The following CCDC88B variants were observed in gnomAD, a reference collection of about 807,000 sequenced individuals.
CCDC88B encodes the protein coiled-coil and HOOK domain protein 88B, also known as coiled-coil domain-containing protein 88B.
A neutral mutation model predicts 183.7 loss-of-function variants in CCDC88B; 138 were observed. That is an observed-to-expected ratio of 0.75 (90% CI 0.65 to 0.87). The LOEUF (loss-of-function observed/expected upper bound fraction) is 0.87, where lower values mean the gene tolerates loss of function less well. CCDC88B is among the 40% of genes least tolerant of loss of function. The pLI is 0.00. For missense variants in CCDC88B, 1,822 were observed against 1,965.6 expected, an observed-to-expected ratio of 0.93 and a Z score of 1.38; for synonymous variants, 835 against 867.5, an observed-to-expected ratio of 0.96 and a Z score of 0.66.
intron 8 of CCDC88B, 23 bp from the exon 9 acceptor site, chr11:64,342,271 C>G: frequency 1.9e-6 from 3 of 1,574,434 alleles, no homozygotes; most frequent in Non-Finnish European, 2.6e-6. Context: ...CCCAGACCCT[C>G]CCTAGACTCC....
At chr11:64,352,694 TGTG>T in intron 19 of CCDC88B, 47 bp from the exon 20 acceptor site, 1 of 1,611,690 alleles carries the variant, frequency 6.2e-7, no homozygotes. Context: ...GCCAGCTGCT[TGTG>T]GTGGCCATAG....
intron 14 of CCDC88B, 150 bp from the exon 15 acceptor site, chr11:64,349,181 T>G: frequency 2.2e-6 from 2 of 924,998 alleles, no homozygotes; most frequent in Non-Finnish European, 3.3e-6. Flanking sequence ...TTGCTCCCAT[T>G]TTATAGATGG....
chr11:64,341,545 G>A (rs2035853178), intron 6 of CCDC88B, 41 bp downstream of exon 6: 1 of 1,612,142 alleles, frequency 6.2e-7, no homozygotes, highest in East Asian at 2.2e-5. Context: ...TATGGCACCT[G>A]GGACGCCCTT....
intron 10 of CCDC88B, chr11:64,342,944 G>C: frequency 1.8e-6 from 1 of 563,290 alleles, no homozygotes; most frequent in Non-Finnish European, 3.0e-6. Flanking sequence ...GCGGGGCATG[G>C]ACAGAAGGGC....
At position 64,343,217 on chromosome 11, in the gene CCDC88B, G is replaced by A. The variant is rs139453508; in HGVS notation, c.1101G>A (p.Lys367=). Residue 367 remains lysine (K), a synonymous_variant, in exon 11 of 27, where the codon AAG becomes AAA. Coordinates refer to ENST00000356786, the MANE Select transcript of CCDC88B (RefSeq NM_032251.6). ...RVLSGVLEAS[K]ALLEEQLEAA... ...TCTCGGGGGTGCTGGAGGCGTCCAA[G>A]GCGCTGCTGGAAGAGCAGCTGGAGG... 379 of 1,545,030 alleles carry A rather than the reference G, an allele frequency of 2.5e-4. No homozygotes were observed. The highest frequency in any genetic ancestry group is 3.2e-4 in the Non-Finnish European group (367 of 1,145,616).
chr11:64,344,642 A>G lies in CCDC88B; in HGVS notation c.2101A>G (p.Lys701Glu). ...RDPAWQKPQQ[K>E]SEGALEVQVW... is the part of the protein sequence containing the mutation. ...CCCAGCCTGGCAAAAACCACAGCAG[A>G]AGTCAGAAGGGGCTCTTGAGGTCCA... The change falls in exon 14 of 27, where the codon AAG (lysine) becomes GAG (glutamate). Residue 701 changes from lysine (K) to glutamate (E), a missense_variant. Transcript: ENST00000356786. The surrounding 1 kb of genome is among the most constrained non-coding windows in gnomAD (Gnocchi z 4.5). 1 of 1,613,806 alleles carries G rather than the reference A, an allele frequency of 6.2e-7. No individual in the cohort carries two copies. The highest frequency in any genetic ancestry group is 8.5e-7 in the Non-Finnish European group (1 of 1,179,892).
intron 14 of CCDC88B, among the ~76,000 whole-genome samples, chr11:64,348,049 CAAAAAAAAAAAA>C (rs551644268): frequency 4.2e-5 from 3 of 70,924 alleles, no homozygotes; most frequent in Non-Finnish European, 8.0e-5. Context: ...GACTCCGTCT[CAAAAAAAAAAAA>C]AAAAAAAAAA....
Position 64,357,501 on chromosome 11 carries a change from G to A in CCDC88B, c.*407G>A. On this transcript the variant is annotated 3_prime_UTR_variant, in exon 27 of 27. Coordinates refer to ENST00000356786, the MANE Select transcript of CCDC88B (RefSeq NM_032251.6). ...TCTTGAGCCTTAACTGGACATGAGG[G>A]GCATGAGAATAAAGCTGAACTGCAG... The A allele has an allele frequency of 1.4e-6, 1 of 704,672 alleles. No individual in the cohort carries two copies. The highest frequency in any genetic ancestry group is 1.5e-5 in the South Asian group (1 of 66,634). The allele number at this position is 704,672 out of a possible 1,614,324, so 43.7% of individuals were successfully genotyped here. A position where few individuals can be genotyped will look rare whatever the true frequency, so the allele number is the denominator to read the frequency against.
intron 14 of CCDC88B, chr11:64,348,778 C>T (rs1272031703): frequency 1.3e-5 from 7 of 557,102 alleles, no homozygotes; most frequent in South Asian, 6.6e-5. Flanking sequence ...ATGGGCCTCC[C>T]GTCTCCTTCC....
intron 24 of CCDC88B, among the ~76,000 whole-genome samples, chr11:64,354,396 C>T (rs968996657): frequency 5.3e-5 from 8 of 152,142 alleles, no homozygotes; most frequent in African/African-American, 1.9e-4. Context: ...CCAGCCTGCC[C>T]CATCCGCAGC....
At chr11:64,340,378 G>A (rs1328323074) in intron 1 of CCDC88B, 52 bp downstream of exon 1, 6 of 1,288,652 alleles carry the variant, frequency 4.7e-6, no homozygotes, top group Non-Finnish European at 5.0e-6. Context: ...CCCCAGCCAG[G>A]GGCTGGTGTT....
chr11:64,352,055 T>C, intron 18 of CCDC88B, 75 bp from the exon 19 acceptor site: 2 of 1,509,868 alleles, frequency 1.3e-6, no homozygotes, highest in Non-Finnish European at 1.8e-6. Context: ...CGTCTGCCCT[T>C]AGCCCCCCGC....
chr11:64,341,514 C>A lies in CCDC88B; in HGVS notation c.531+10C>A, dbSNP rs767574030. 6 of 1,613,416 alleles carry A rather than the reference C, an allele frequency of 3.7e-6. No homozygotes were observed. In the African/African-American group the frequency reaches 8.0e-5, roughly 22 times the overall value. Reference sequence around the variant, plus strand: ...CGCTGCCATCCAGGAGGTACTGAGACGGTTCGGCAGCCCAGACTGGTATGG... The same window carrying A: ...CGCTGCCATCCAGGAGGTACTGAGAAGGTTCGGCAGCCCAGACTGGTATGG... On this transcript the variant is annotated intron_variant, in intron 6 of 26. Transcript: ENST00000356786.
chr11:64,352,073 T>G (rs2036355248), intron 18 of CCDC88B, 57 bp from the exon 19 acceptor site: 1 of 1,510,562 alleles, frequency 6.6e-7, no homozygotes, highest in Admixed American at 2.2e-5. Flanking sequence ...CGCCTCTCAC[T>G]CGATTTCCAG....
At chr11:64,355,779 G>T in intron 26 of CCDC88B, 151 bp downstream of exon 26, 1 of 645,722 alleles carries the variant, frequency 1.5e-6, no homozygotes, top group South Asian at 2.3e-5. Context: ...ACGTTCTGGT[G>T]TGAGGAGGCA....
At position 64,352,950 on chromosome 11, in the gene CCDC88B, G is replaced by T. The variant is rs535506192; in HGVS notation, c.3500+63G>T. 6.6e-6 allele frequency: 10 copies of T among 1,513,208 alleles called. 1 individual carries two copies. In the South Asian group the frequency reaches 1.0e-4, roughly 16 times the overall value. 93.7% of individuals were successfully genotyped at this position (1,513,208 alleles called of 1,614,324 possible). ...GCCCCATCCTGAAAGTGGGTTGGGG[G>T]TGTGGGGTCCTGTCTGGCCTCCCCT... On this transcript the variant is annotated intron_variant, in intron 20 of 26. Coordinates refer to ENST00000356786, the MANE Select transcript of CCDC88B (RefSeq NM_032251.6).
chr11:64,340,807 C>T lies in CCDC88B; in HGVS notation c.206+55C>T, dbSNP rs994196884. On this transcript the variant is annotated intron_variant, in intron 2 of 26. Transcript: ENST00000356786. The stretch of plus-strand genomic sequence containing the variant: ...GGGAAGGATCTGAGAGGAGGGGAAG[C>T]GGGTGGGCGGAGCCTGATGCTCAGT... The T allele has an allele frequency of 1.3e-5, 20 of 1,554,236 alleles. No individual in the cohort carries two copies. The Middle Eastern group carries it at 5.8e-4, about 45-fold the overall frequency.
intron 14 of CCDC88B, among the ~76,000 whole-genome samples, chr11:64,347,439 A>G (rs574288638): frequency 7.9e-5 from 12 of 152,322 alleles, no homozygotes; most frequent in African/African-American, 2.6e-4. Flanking sequence ...TTCCAGTCCC[A>G]TTTCTGTACA....
At chr11:64,352,087 G>T (rs747797458) in intron 18 of CCDC88B, 43 bp from the exon 19 acceptor site, 1 of 1,513,370 alleles carries the variant, frequency 6.6e-7, no homozygotes, top group South Asian at 1.3e-5. Context: ...TTTCCAGCCA[G>T]GGGTTCCTCC....
Sources: gnomAD v4.1 joint callset for allele counts (sites outside exome capture counted in the v4.1 genomes callset) on GRCh38, gnomAD v4.1.1 for gene constraint, Gnocchi (gnomAD v3.1) non-coding constraint, MANE v1.5 for transcripts, NCBI Gene and HGNC (gene_info 2026-07-23, HGNC 2026-07-21) for gene names.